CRB1: variants seen among roughly 807,000 people sequenced by gnomAD.
CRB1 encodes the protein crumbs cell polarity complex component 1.
Under a neutral mutation model 120.0 loss-of-function variants are expected in CRB1, and 83 were observed. The observed-to-expected ratio is 0.69, with a 90% CI of 0.58 to 0.83. CRB1 has a LOEUF of 0.83. Among genes scored for constraint, CRB1 ranks in the 40% least tolerant of loss-of-function variants. The pLI is 0.00. For synonymous variants in CRB1, 625 were observed against 612.5 expected (o/e 1.02, Z -0.30); for missense variants, 1,699 against 1,687.6 (o/e 1.01, Z -0.12).
chr1:197,442,166 G>T lies in CRB1; in HGVS notation c.3879G>T (p.Trp1293Cys). Residue 1293 changes from tryptophan (W) to cysteine (C), a missense_variant and splice_region_variant, in exon 11 of 12, where the codon TGG (tryptophan) becomes TGT (cysteine). Transcript: ENST00000367400. ...TTCTGCTGTTCTGTTTATTTTGAAG[G>T]TGTGAAAAGGACATTGATGAGTGTG... ...CMCRPGFTGE[W>C]CEKDIDECAS... 1 of 1,614,080 alleles carries T rather than the reference G, an allele frequency of 6.2e-7. No individual in the cohort carries two copies. The highest frequency in any genetic ancestry group is 8.5e-7 in the Non-Finnish European group (1 of 1,180,004).
At chr1:197,411,218 C>A (rs1009039093) in intron 5 of CRB1, among the ~76,000 whole-genome samples, 2 of 152,112 alleles carry the variant, frequency 1.3e-5, no homozygotes, top group Non-Finnish European at 2.9e-5. Context: ...ATTTCGAGTT[C>A]AAATTGGGAG....
chr1:197,338,231 A>G (rs1659264766), intron 2 of CRB1, among the ~76,000 whole-genome samples: 1 of 152,140 alleles, frequency 6.6e-6, no homozygotes, highest in Non-Finnish European at 1.5e-5. Flanking sequence ...TGTATAAAAT[A>G]TAGAAAGTGT....
chr1:197,403,501 T>G (rs1207766061), intron 5 of CRB1, among the ~76,000 whole-genome samples: 1 of 152,172 alleles, frequency 6.6e-6, no homozygotes, highest in Non-Finnish European at 1.5e-5. Flanking sequence ...AGAGTGCTAC[T>G]TGCAACCATC....
intron 5 of CRB1, among the ~76,000 whole-genome samples, chr1:197,408,694 G>A (rs559985733): frequency 6.6e-6 from 1 of 152,292 alleles, no homozygotes; most frequent in African/African-American, 2.4e-5. Context: ...TAACTTAAGT[G>A]TTTAATCATT....
the CRB1 span, among the ~76,000 whole-genome samples, chr1:197,252,493 C>G: frequency 7.8e-6 from 1 of 128,294 alleles, no homozygotes; most frequent in Non-Finnish European, 1.6e-5. Flanking sequence ...CTGATTATAT[C>G]ATTCCTATAT....
chr1:197,448,289 C>T (rs535366392), intron 11 of CRB1, among the ~76,000 whole-genome samples: 5 of 151,950 alleles, frequency 3.3e-5, no homozygotes, highest in African/African-American at 1.2e-4. Context: ...TTTTCTTTTT[C>T]CTGGGGGGTC....
intron 5 of CRB1, among the ~76,000 whole-genome samples, chr1:197,359,214 G>A (rs1558080294): frequency 2.0e-5 from 3 of 152,110 alleles, no homozygotes; most frequent in Non-Finnish European, 4.4e-5. Flanking sequence ...TCACAAGGAT[G>A]CCACCTCTCT....
chr1:197,373,197 C>T (rs2125386288), intron 5 of CRB1, among the ~76,000 whole-genome samples: 1 of 152,246 alleles, frequency 6.6e-6, no homozygotes, highest in East Asian at 1.9e-4. Context: ...AGGAATAGGT[C>T]ACTTTAAAAA....
At chr1:197,347,267 T>C (rs1295602615) in intron 3 of CRB1, 73 bp from the exon 4 acceptor site, 1 of 1,390,828 alleles carries the variant, frequency 7.2e-7, no homozygotes, top group South Asian at 1.2e-5. Context: ...GATAGACAGT[T>C]GAAGAAACAG....
chr1:197,324,326 T>C (rs546976678), intron 1 of CRB1, among the ~76,000 whole-genome samples: 7 of 152,182 alleles, frequency 4.6e-5, no homozygotes, highest in Non-Finnish European at 1.0e-4. Context: ...TAAATATGCA[T>C]TTACTAAGCA....
chr1:197,354,975 G>A (rs1660383007), intron 4 of CRB1, among the ~76,000 whole-genome samples: 1 of 150,846 alleles, frequency 6.6e-6, no homozygotes, highest in African/African-American at 2.4e-5. Context: ...CAAACCTCGA[G>A]CTAGACACAG....
chr1:197,433,084 C>T lies in CRB1; in HGVS notation c.2843-1622C>T, dbSNP rs189260045. ...AATTTTTTTTTTTTTTGAAGAGAGA[C>T]GGGGTCTTATTATGTTGCCCAGGAT... On this transcript the variant is annotated intron_variant, in intron 8 of 11. Transcript: ENST00000367400. Among the ~76,000 whole-genome samples the T allele has an allele frequency of 1.2e-4, 18 of 147,896 alleles. No homozygotes were observed. The East Asian group carries it at 3.0e-3, about 24-fold the overall frequency.
chr1:197,311,965 T>C (rs1320135169), intron 1 of CRB1, among the ~76,000 whole-genome samples: 1 of 152,186 alleles, frequency 6.6e-6, no homozygotes, highest in Admixed American at 6.5e-5. Flanking sequence ...TTAAATTTCA[T>C]ATAGCCAAGT....
At chr1:197,443,781 T>C (rs1248915003) in intron 11 of CRB1, 1 of 151,794 alleles carries the variant, frequency 6.6e-6, no homozygotes, top group Non-Finnish European at 1.5e-5. Flanking sequence ...ATTATAAATA[T>C]TTCAGAGATT....
the CRB1 span, among the ~76,000 whole-genome samples, chr1:197,249,189 G>A: frequency 6.6e-6 from 1 of 151,674 alleles, no homozygotes. Flanking sequence ...GATTTTTATA[G>A]TCAAGCTAAT....
intron 5 of CRB1, among the ~76,000 whole-genome samples, chr1:197,371,094 T>G (rs1408221575): frequency 6.6e-6 from 1 of 152,200 alleles, no homozygotes; most frequent in Non-Finnish European, 1.5e-5. Flanking sequence ...CCTAGTCTGT[T>G]GTCTTAACCA....
At chr1:197,301,825 A>T (rs1656879162) in intron 1 of CRB1, among the ~76,000 whole-genome samples, 1 of 152,110 alleles carries the variant, frequency 6.6e-6, no homozygotes, top group Non-Finnish European at 1.5e-5. Context: ...GGACCTGAAG[A>T]TGTGACTGAA....
At position 197,327,104 on chromosome 1, in the gene CRB1, A is replaced by AC. The variant is rs201411418; in HGVS notation, c.71-1318_71-1317insC. 2.7e-3 allele frequency among the ~76,000 whole-genome samples: 142 copies of AC among 52,384 alleles called. 1 individual carries two copies. The highest frequency in any genetic ancestry group is 0.014 in the East Asian group (17 of 1,232). 34.4% of individuals were successfully genotyped at this position (52,384 alleles called of 152,430 possible). ...ATTCTCACACACCAAAAAAAAAAAA[A>AC]AAAAAAAAAAAAAAAAAAAAAAAAA... On this transcript the variant is annotated intron_variant, in intron 1 of 11. Coordinates refer to ENST00000367400, the MANE Select transcript of CRB1 (RefSeq NM_201253.3).
chr1:197,360,564 T>A (rs1414959192), intron 5 of CRB1: 1 of 152,252 alleles, frequency 6.6e-6, no homozygotes, highest in African/African-American at 2.4e-5. Flanking sequence ...TGGCCAAACG[T>A]GTCCAGACTT....
Sources: allele counts gnomAD v4.1 joint callset (sites outside exome capture counted in the v4.1 genomes callset), GRCh38; gene constraint gnomAD v4.1.1; transcripts MANE v1.5; gene names NCBI Gene and HGNC (gene_info 2026-07-23, HGNC 2026-07-21).